The following ZNF148 variants were observed in gnomAD, a reference collection of about 807,000 sequenced individuals.
ZNF148 encodes zinc finger protein 148, also known as Beta-Enolase Repressor Factor-1.
In ZNF148, 7 loss-of-function variants were observed where a neutral mutation model predicts 67.7. That is an observed-to-expected ratio of 0.10 (90% confidence interval 0.06 to 0.19). ZNF148 has a LOEUF of 0.19. ZNF148 is among the 10% of genes least tolerant of loss of function. ZNF148 has a pLI of 1.00. For missense variants in ZNF148, 583 were observed against 947.1 expected (o/e 0.62, Z 5.05); for synonymous variants, 333 against 330.7 (o/e 1.01, Z -0.08).
chr3:125,302,345 T>A (rs1939636355), intron 4 of ZNF148, among the ~76,000 whole-genome samples: 1 of 146,514 alleles, frequency 6.8e-6, no homozygotes, highest in African/African-American at 2.6e-5. Flanking sequence ...GCCACTGCAC[T>A]CCAGCCTGGG....
intron 4 of ZNF148, 22 bp downstream of exon 4, chr3:125,313,286 A>T (rs969787256): frequency 5.1e-6 from 8 of 1,561,260 alleles, no homozygotes; most frequent in Non-Finnish European, 6.1e-6. Context: ...TAAGTTTAAT[A>T]TCTTATAAAG....
intron 7 of ZNF148, among the ~76,000 whole-genome samples, chr3:125,271,598 G>A (rs1349274130): frequency 6.6e-6 from 1 of 152,212 alleles, no homozygotes; most frequent in Non-Finnish European, 1.5e-5. Context: ...TACGCACTGA[G>A]GGAGGTGACT....
intron 1 of ZNF148, among the ~76,000 whole-genome samples, chr3:125,332,524 T>C (rs1181998542): frequency 6.6e-6 from 1 of 152,220 alleles, no homozygotes; most frequent in African/African-American, 2.4e-5. Flanking sequence ...TAACTTACTA[T>C]GTAAACAAAC....
intron 1 of ZNF148, among the ~76,000 whole-genome samples, chr3:125,361,669 T>C (rs1942546215): frequency 6.6e-6 from 1 of 151,872 alleles, no homozygotes; most frequent in South Asian, 2.1e-4. Context: ...CCTGTCTCCT[T>C]TAAAAATACA....
chr3:125,237,907 C>T (rs924643549), intron 7 of ZNF148, among the ~76,000 whole-genome samples: 1 of 152,096 alleles, frequency 6.6e-6, no homozygotes, highest in Admixed American at 6.5e-5. Context: ...CCACAATAAC[C>T]AAGATATTGT....
At chr3:125,284,371 A>G (rs1052161676) in intron 5 of ZNF148, among the ~76,000 whole-genome samples, 1 of 152,140 alleles carries the variant, frequency 6.6e-6, no homozygotes, top group African/African-American at 2.4e-5. Context: ...ACAGACTCAA[A>G]GGGGCAAAGG....
At chr3:125,353,845 G>A (rs1012753265) in intron 1 of ZNF148, among the ~76,000 whole-genome samples, 24 of 152,144 alleles carry the variant, frequency 1.6e-4, no homozygotes, top group Non-Finnish European at 2.2e-4. Flanking sequence ...AAGCCAAAGC[G>A]GGAAGATCAC....
At chr3:125,312,878 G>T (rs992846466) in intron 4 of ZNF148, among the ~76,000 whole-genome samples, 1 of 152,048 alleles carries the variant, frequency 6.6e-6, no homozygotes, top group African/African-American at 2.4e-5. Context: ...TCAAGCAAGC[G>T]GAGGATACAA....
intron 4 of ZNF148, among the ~76,000 whole-genome samples, chr3:125,302,782 G>A (rs1307781413): frequency 6.6e-6 from 1 of 152,122 alleles, no homozygotes; most frequent in Admixed American, 6.5e-5. Context: ...CTTATGTATG[G>A]CATGCTTATC....
chr3:125,358,322 A>G (rs774811881), intron 1 of ZNF148, among the ~76,000 whole-genome samples: 10 of 152,204 alleles, frequency 6.6e-5, no homozygotes, highest in Non-Finnish European at 5.9e-5. Flanking sequence ...CAAAAAAGAA[A>G]AAGAAAAAAA....
intron 7 of ZNF148, among the ~76,000 whole-genome samples, chr3:125,244,891 C>A (rs1032121960): frequency 6.6e-6 from 1 of 152,106 alleles, no homozygotes; most frequent in Non-Finnish European, 1.5e-5. Context: ...TCTATGACAT[C>A]CATACTCCTT....
chr3:125,293,120 T>C (rs964916979), intron 4 of ZNF148, among the ~76,000 whole-genome samples: 38 of 152,214 alleles, frequency 2.5e-4, no homozygotes, highest in Non-Finnish European at 1.0e-4. Flanking sequence ...AGCTTTAGTT[T>C]TGAATATGGT....
intron 5 of ZNF148, among the ~76,000 whole-genome samples, chr3:125,283,833 T>C (rs1938519514): frequency 6.6e-6 from 1 of 152,178 alleles, no homozygotes; most frequent in Non-Finnish European, 1.5e-5. Flanking sequence ...ACCAACAATA[T>C]ATAATAAATT....
chr3:125,269,335 C>T (rs1937616930), intron 7 of ZNF148, among the ~76,000 whole-genome samples: 1 of 150,924 alleles, frequency 6.6e-6, no homozygotes, highest in Admixed American at 6.6e-5. Context: ...GAGCCCAGAT[C>T]ATGCCATCGC....
At chr3:125,244,244 G>A (rs1011900271) in intron 7 of ZNF148, among the ~76,000 whole-genome samples, 34 of 152,062 alleles carry the variant, frequency 2.2e-4, no homozygotes, top group Non-Finnish European at 1.2e-4. Context: ...GCTGTTTATG[G>A]ATAAAAATTT....
intron 1 of ZNF148, chr3:125,344,286 A>C (rs556361497): frequency 2.7e-4 from 118 of 438,572 alleles, no homozygotes; most frequent in Non-Finnish European, 4.5e-4. Context: ...AAGAGAATGA[A>C]GTGAAGCCCC....
chr3:125,371,601 G>C (rs1226566907), intron 1 of ZNF148, among the ~76,000 whole-genome samples: 1 of 148,962 alleles, frequency 6.7e-6, no homozygotes, highest in African/African-American at 2.5e-5. Context: ...AGAGGTTGCA[G>C]TGAGCCGAGA....
chr3:125,270,474 G>T (rs1433340672), intron 7 of ZNF148, among the ~76,000 whole-genome samples: 1 of 152,106 alleles, frequency 6.6e-6, no homozygotes, highest in African/African-American at 2.4e-5. Context: ...AAAGAATATG[G>T]TGTGAAATAA....
At chr3:125,363,420 A>T (rs936087315) in intron 1 of ZNF148, among the ~76,000 whole-genome samples, 1 of 152,178 alleles carries the variant, frequency 6.6e-6, no homozygotes, top group Non-Finnish European at 1.5e-5. Flanking sequence ...AATGTGTCTT[A>T]AAACCCCAAA....
Sources: allele counts gnomAD v4.1 joint callset (sites outside exome capture counted in the v4.1 genomes callset), GRCh38; gene constraint gnomAD v4.1.1; transcripts MANE v1.5; gene names NCBI Gene and HGNC (gene_info 2026-07-23, HGNC 2026-07-21).